Variants in HDX observed in about 807,000 individuals in gnomAD.
The protein encoded by HDX is chromosome X open reading frame 43.
Under a neutral mutation model 45.2 loss-of-function variants are expected in HDX, and 19 were observed. The observed-to-expected ratio is 0.42, with a 90% CI of 0.29 to 0.62. The LOEUF is 0.62. Among genes scored for constraint, HDX ranks in the 20% least tolerant of loss-of-function variants. The pLI, the probability that HDX is intolerant of heterozygous loss-of-function variation, is 0.20. For synonymous variants in HDX, 188 were observed against 172.8 expected (o/e 1.09, Z -0.69); for missense variants, 532 against 493.9 (o/e 1.08, Z -0.73).
chrX:84,386,308 A>G (rs981532071), intron 5 of HDX, among the ~76,000 whole-genome samples: 1 of 109,331 alleles, frequency 9.1e-6, no homozygotes, highest in East Asian at 2.9e-4. Flanking sequence ...TAGTGGCCCT[A>G]TTTTTTTTCT....
intron 7 of HDX, among the ~76,000 whole-genome samples, 181 bp from the exon 8 acceptor site, chrX:84,337,061 G>A (rs2036981457): frequency 9.1e-6 from 1 of 110,435 alleles, no homozygotes; most frequent in Non-Finnish European, 1.9e-5. Flanking sequence ...GTAGGGATGG[G>A]GGCAAATACA....
At chrX:84,347,959 C>T (rs934760360) in intron 6 of HDX, among the ~76,000 whole-genome samples, 9 of 110,897 alleles carry the variant, frequency 8.1e-5, no homozygotes, top group African/African-American at 2.9e-4. Flanking sequence ...ATTTATCCTG[C>T]TTGGTGTACG....
chrX:84,362,701 A>C (rs899977515), intron 5 of HDX, among the ~76,000 whole-genome samples: 1 of 111,031 alleles, frequency 9.0e-6, no homozygotes, highest in Non-Finnish European at 1.9e-5. Context: ...TCCCACACAG[A>C]GGCTAGTCCT....
At chrX:84,490,224 C>G (rs1022169856) in intron 1 of HDX, among the ~76,000 whole-genome samples, 5 of 110,275 alleles carry the variant, frequency 4.5e-5, no homozygotes, top group African/African-American at 1.6e-4. Flanking sequence ...TTGTTCATTG[C>G]TTTTCTGTTT....
chrX:84,460,571 G>A (rs1274743383), intron 4 of HDX, among the ~76,000 whole-genome samples: 1 of 111,560 alleles, frequency 9.0e-6, no homozygotes, highest in African/African-American at 3.3e-5. Flanking sequence ...AACCATATAT[G>A]ACAGATTCAC....
At chrX:84,341,392 T>A (rs944878244) in intron 7 of HDX, among the ~76,000 whole-genome samples, 1 of 111,430 alleles carries the variant, frequency 9.0e-6, no homozygotes, top group Non-Finnish European at 1.9e-5. Context: ...TACACTTAAT[T>A]CTCTGTTATC....
At chrX:84,477,056 A>AT (rs564493731) in intron 2 of HDX, among the ~76,000 whole-genome samples, 31 of 108,657 alleles carry the variant, frequency 2.9e-4, no homozygotes, top group Middle Eastern at 9.6e-3. Context: ...CATTAAAGCA[A>AT]TTTTTTTTTT....
intron 5 of HDX, among the ~76,000 whole-genome samples, chrX:84,402,360 T>C (rs759909374): frequency 8.9e-6 from 1 of 112,048 alleles, no homozygotes; most frequent in South Asian, 3.7e-4. Flanking sequence ...CAGTGTTATG[T>C]ATTAAATATT....
chrX:84,417,708 G>A (rs774411053), intron 5 of HDX, among the ~76,000 whole-genome samples: 1 of 112,015 alleles, frequency 8.9e-6, no homozygotes, highest in South Asian at 3.7e-4. Context: ...GAGTAAGAGA[G>A]GAGTGAAACA....
chrX:84,399,954 A>T (rs1361149778), intron 5 of HDX, among the ~76,000 whole-genome samples: 4 of 111,906 alleles, frequency 3.6e-5, no homozygotes, highest in African/African-American at 1.3e-4. Flanking sequence ...AGAATCAATG[A>T]CAAAAACCAC....
chrX:84,383,749 T>C, intron 5 of HDX, among the ~76,000 whole-genome samples: 1 of 111,702 alleles, frequency 9.0e-6, no homozygotes, highest in Non-Finnish European at 1.9e-5. Flanking sequence ...CCCATGTTTA[T>C]GTCCATGCAT....
chrX:84,405,696 A>T (rs2038804216), intron 5 of HDX, among the ~76,000 whole-genome samples: 1 of 99,916 alleles, frequency 1.0e-5, no homozygotes, highest in South Asian at 4.6e-4. Context: ...GTAAAGTATT[A>T]CGGAATGCTA....
chrX:84,402,835 T>C (rs1243119904), intron 5 of HDX, among the ~76,000 whole-genome samples: 1 of 111,248 alleles, frequency 9.0e-6, no homozygotes, highest in Non-Finnish European at 1.9e-5. Context: ...TCATCAATAA[T>C]TGGAATTTTT....
At chrX:84,360,321 A>C (rs763696036) in intron 6 of HDX, among the ~76,000 whole-genome samples, 2 of 112,148 alleles carry the variant, frequency 1.8e-5, no homozygotes, top group African/African-American at 6.5e-5. Flanking sequence ...ACACTTTTAC[A>C]CTGTAGGTGG....
In HDX at chrX:84,469,455, G is replaced by C; in HGVS notation, c.268C>G (p.Arg90Gly). 8.3e-7 allele frequency: 1 copy of C among 1,210,914 alleles called. No homozygotes were observed. The highest frequency in any genetic ancestry group is 1.1e-6 in the Non-Finnish European group (1 of 895,096). The change falls in exon 4 of 11, where the codon CGA (arginine) becomes GGA (glycine). Residue 90 changes from arginine to glycine, a missense_variant. Arg to Gly is a moderately radical substitution (Grantham distance 125). This residue lies in a region of HDX where 376 missense variants were observed against 343.7 expected (regional missense o/e 1.09). Transcript: ENST00000373177. The stretch of plus-strand genomic sequence containing the variant: ...CAAGAAGACTGCTGGCTTGAGGGTC[G>C]AGCAATATTAACCACATTTCTGACT... ...ITVRNVVNIARPSSQQSSWTS... is the reference protein window; with the variant it reads ...ITVRNVVNIAGPSSQQSSWTS...
At chrX:84,362,813 T>C (rs967862482) in intron 5 of HDX, among the ~76,000 whole-genome samples, 2 of 111,729 alleles carry the variant, frequency 1.8e-5, no homozygotes, top group African/African-American at 6.5e-5. Flanking sequence ...GAAAATAATA[T>C]ACACAACATA....
At chrX:84,353,115 T>C (rs1173350517) in intron 6 of HDX, among the ~76,000 whole-genome samples, 1 of 112,466 alleles carries the variant, frequency 8.9e-6, no homozygotes, top group East Asian at 2.8e-4. Flanking sequence ...TGATATTTTA[T>C]TGTAAATTAA....
chrX:84,322,708 G>T (rs1438291488), intron 10 of HDX, among the ~76,000 whole-genome samples: 1 of 110,030 alleles, frequency 9.1e-6, no homozygotes, highest in Admixed American at 9.8e-5. Context: ...GCTTTGTCAT[G>T]GTCTAATTGT....
chrX:84,501,706 A>C (rs1049530102), intron 1 of HDX, among the ~76,000 whole-genome samples: 1 of 112,112 alleles, frequency 8.9e-6, no homozygotes, highest in Admixed American at 9.4e-5. Context: ...TCAGTAGGCC[A>C]GTTTAAACTA....
Sources: gnomAD v4.1 joint callset for allele counts (sites outside exome capture counted in the v4.1 genomes callset) on GRCh38, gnomAD v4.1.1 for gene constraint, gnomAD v4.1.1 regional missense constraint, MANE v1.5 for transcripts, NCBI Gene and HGNC (gene_info 2026-07-23, HGNC 2026-07-21) for gene names.